Variants in ARB2A observed in about 807,000 individuals in gnomAD.
ARB2A encodes the protein ARB2 cotranscriptional regulator A.
At chr5:94,004,797 TTTTA>T in the ARB2A span, among the ~76,000 whole-genome samples, 1 of 151,000 alleles carries the variant, frequency 6.6e-6, no homozygotes, top group Non-Finnish European at 1.5e-5. Flanking sequence ...ATATTACTTG[TTTTA>T]TTTGTGTTTC....
chr5:93,903,276 G>A, the ARB2A span, among the ~76,000 whole-genome samples: 1 of 151,970 alleles, frequency 6.6e-6, no homozygotes, highest in East Asian at 1.9e-4. Context: ...TTGGGGGTGA[G>A]TTATTGTTAT....
chr5:93,664,633 A>T, the ARB2A span, among the ~76,000 whole-genome samples: 1 of 147,686 alleles, frequency 6.8e-6, no homozygotes, highest in African/African-American at 2.5e-5. Flanking sequence ...TTCGTCTCAA[A>T]AATATATATA....
the ARB2A span, among the ~76,000 whole-genome samples, chr5:93,921,498 C>T: frequency 6.6e-6 from 1 of 152,010 alleles, no homozygotes; most frequent in Non-Finnish European, 1.5e-5. Context: ...AGGCAACGGA[C>T]ATGTTCTCAG....
At chr5:94,108,087 C>T in the ARB2A span, among the ~76,000 whole-genome samples, 1 of 152,076 alleles carries the variant, frequency 6.6e-6, no homozygotes, top group Non-Finnish European at 1.5e-5. Context: ...CACATCTTTT[C>T]TGTTTCTTCA....
the ARB2A span, among the ~76,000 whole-genome samples, chr5:93,918,430 CTT>C: frequency 1.3e-3 from 142 of 107,324 alleles, no homozygotes; most frequent in East Asian, 6.6e-3. Flanking sequence ...TTCCAAATTT[CTT>C]TTTTTTTTTT....
At chr5:93,998,020 G>C in the ARB2A span, among the ~76,000 whole-genome samples, 3,877 of 151,670 alleles carry the variant, frequency 0.026, 79 homozygotes, top group Non-Finnish European at 0.042. Flanking sequence ...CACACACAGA[G>C]AGAGAAATAT....
At chr5:93,741,706 A>C in the ARB2A span, 34 of 948,752 alleles carry the variant, frequency 3.6e-5, no homozygotes, top group Non-Finnish European at 5.2e-5. Flanking sequence ...AGGCGGGGAA[A>C]TCTGGTAGAT....
At chr5:93,737,606 G>A in the ARB2A span, 1 of 167,306 alleles carries the variant, frequency 6.0e-6, no homozygotes, top group Admixed American at 6.3e-5. Flanking sequence ...AGCTACAGTA[G>A]TCAAAACAGT....
At chr5:93,948,649 C>T in the ARB2A span, among the ~76,000 whole-genome samples, 3 of 152,056 alleles carry the variant, frequency 2.0e-5, no homozygotes, top group African/African-American at 4.8e-5. Flanking sequence ...TTAGGTCTAA[C>T]GTTTAAGTCT....
At chr5:93,719,920 C>G in the ARB2A span, among the ~76,000 whole-genome samples, 1 of 152,168 alleles carries the variant, frequency 6.6e-6, no homozygotes, top group Non-Finnish European at 1.5e-5. Flanking sequence ...GCTTACTTTT[C>G]TAAGCACTTT....
chr5:93,813,195 T>C, the ARB2A span, among the ~76,000 whole-genome samples: 1 of 152,206 alleles, frequency 6.6e-6, no homozygotes, highest in Non-Finnish European at 1.5e-5. Context: ...TCAATTCTGA[T>C]GAGGTCTCAG....
chr5:93,827,761 A>C, the ARB2A span, among the ~76,000 whole-genome samples: 755 of 151,562 alleles, frequency 5.0e-3, 5 homozygotes, highest in African/African-American at 0.017. Context: ...TCCATCTTGA[A>C]TTAATTTTTG....
At chr5:93,933,893 C>A in the ARB2A span, among the ~76,000 whole-genome samples, 2 of 152,110 alleles carry the variant, frequency 1.3e-5, no homozygotes, top group Admixed American at 1.3e-4. Context: ...GTAGTCCCAG[C>A]TCCTCAGGAG....
chr5:93,742,743 G>C, the ARB2A span, among the ~76,000 whole-genome samples: 1 of 152,142 alleles, frequency 6.6e-6, no homozygotes, highest in African/African-American at 2.4e-5. Flanking sequence ...TCATCCTGCT[G>C]TATCTGGCTA....
chr5:93,950,248 A>G, the ARB2A span, among the ~76,000 whole-genome samples: 2 of 152,160 alleles, frequency 1.3e-5, no homozygotes, highest in African/African-American at 2.4e-5. Flanking sequence ...ATTGCTAGAT[A>G]TCATACACAA....
At chr5:93,621,068 G>A in the ARB2A span, 4 of 1,612,030 alleles carry the variant, frequency 2.5e-6, no homozygotes, top group African/African-American at 4.0e-5. Flanking sequence ...CTGAGGCTTC[G>A]GTAAAGAATT....
At chr5:93,978,674 T>C in the ARB2A span, among the ~76,000 whole-genome samples, 1 of 152,082 alleles carries the variant, frequency 6.6e-6, no homozygotes, top group Non-Finnish European at 1.5e-5. Context: ...TATCAGGTAC[T>C]ATGTTCACTA....
At chr5:93,810,004 A>G in the ARB2A span, among the ~76,000 whole-genome samples, 3 of 152,076 alleles carry the variant, frequency 2.0e-5, no homozygotes, top group Admixed American at 6.6e-5. Flanking sequence ...TTTGAGATCA[A>G]TTGTACAATG....
chr5:93,884,243 A>G, the ARB2A span, among the ~76,000 whole-genome samples: 1 of 151,648 alleles, frequency 6.6e-6, no homozygotes, highest in African/African-American at 2.4e-5. Flanking sequence ...AATCAAAAAA[A>G]TAATATTTTC....
Sources: allele counts gnomAD v4.1 joint callset (sites outside exome capture counted in the v4.1 genomes callset), GRCh38; gene constraint gnomAD v4.1.1; transcripts MANE v1.5; gene names NCBI Gene and HGNC (gene_info 2026-07-23, HGNC 2026-07-21).